Variants in GOLGA3 observed in about 807,000 individuals in gnomAD.
GOLGA3 encodes the protein golgin subfamily A member 3.
In GOLGA3, 75 loss-of-function variants were observed where a neutral mutation model predicts 169.4. The observed-to-expected ratio is 0.44, with a 90% CI of 0.37 to 0.54. The LOEUF (loss-of-function observed/expected upper bound fraction) is 0.54. Among genes scored for constraint, GOLGA3 ranks in the 20% least tolerant of loss-of-function variants. The pLI is 0.00. For synonymous variants in GOLGA3, 824 were observed against 822.4 expected, an observed-to-expected ratio of 1.00 and a Z score of -0.03; for missense variants, 1,899 against 1,930.0, an observed-to-expected ratio of 0.98 and a Z score of 0.30.
At chr12:132,797,205 C>T (rs761406740) in intron 9 of GOLGA3, among the ~76,000 whole-genome samples, 16 of 152,166 alleles carry the variant, frequency 1.1e-4, no homozygotes, top group Admixed American at 9.2e-4. Context: ...TCATCCCAGC[C>T]GGGCAGCCCA....
chr12:132,810,167 G>A (rs1342282951), intron 4 of GOLGA3, among the ~76,000 whole-genome samples: 3 of 152,166 alleles, frequency 2.0e-5, no homozygotes, highest in Non-Finnish European at 4.4e-5. Context: ...AGAATCACTT[G>A]AACCCAGGAG....
intron 15 of GOLGA3, 96 bp from the exon 16 acceptor site, chr12:132,784,403 A>G (rs1235862180): frequency 2.0e-6 from 2 of 992,434 alleles, no homozygotes; most frequent in Admixed American, 4.5e-5. Flanking sequence ...GTGTGGCTGC[A>G]CACACCAGAC....
rs902881607 is a variant in GOLGA3 at position 132,784,215 on chromosome 12, G to A, written c.3216C>T (p.Thr1072=). ...EKELQEVIAL[T]SQELEESREK... ...CCCGGGACTCCTCCAGCTCCTGGCT[G>A]GTCAGCGCTATGACCTCCTGCAGTT... is the stretch of plus-strand genomic sequence containing the variant. Residue 1072 remains threonine, a synonymous_variant, in exon 16 of 24, where the codon ACC becomes ACT. Transcript: ENST00000450791. 4 of 1,610,936 alleles carry A rather than the reference G, an allele frequency of 2.5e-6. No individual in the cohort carries two copies. The highest frequency in any genetic ancestry group is 3.4e-6 in the Non-Finnish European group (4 of 1,180,008).
At chr12:132,810,644 G>A (rs770276218) in intron 4 of GOLGA3, among the ~76,000 whole-genome samples, 3 of 151,762 alleles carry the variant, frequency 2.0e-5, no homozygotes, top group African/African-American at 4.9e-5. Context: ...CCCAGACAGG[G>A]CCACCAGAGG....
At chr12:132,792,843 G>T (rs1280331348) in intron 11 of GOLGA3, among the ~76,000 whole-genome samples, 1 of 65,144 alleles carries the variant, frequency 1.5e-5, no homozygotes, top group Non-Finnish European at 2.9e-5. Flanking sequence ...CACACGGACC[G>T]ACCACACGGG....
chr12:132,788,716 G>A (rs1437482386), intron 13 of GOLGA3, among the ~76,000 whole-genome samples: 1 of 152,132 alleles, frequency 6.6e-6, no homozygotes, highest in Admixed American at 6.5e-5. Context: ...TAGATCCCGG[G>A]AGCCCATGGC....
At position 132,808,103 on chromosome 12, in the gene GOLGA3, G is replaced by A. The variant is rs376011603; in HGVS notation, c.966C>T (p.Ser322=). ...TGCCATAGGTCCCTCGGGTGGAGGC[G>A]CTGCTGTACGATGAGCTGTCGCTGT... ...GNDSDSSSYS[S]ASTRGTYGIL... is the part of the protein sequence containing the mutation. The change falls in exon 5 of 24, where the codon AGC becomes AGT. Residue 322 remains serine (S), a synonymous_variant. Coordinates refer to ENST00000450791, the MANE Select transcript of GOLGA3 (RefSeq NM_001389683.1). The A allele has an allele frequency of 1.4e-5, 23 of 1,598,418 alleles. No individual in the cohort carries two copies. Among genetic ancestry groups the A allele is most frequent in the East Asian group, 4.5e-5 (2 of 44,704 alleles).
intron 1 of GOLGA3, chr12:132,826,087 C>A: frequency 6.9e-7 from 1 of 1,459,762 alleles, no homozygotes; most frequent in Admixed American, 1.7e-5. Context: ...TCACAGTGGG[C>A]GAGTGCCGGC....
chr12:132,782,251 C>A (rs372443054), intron 17 of GOLGA3, 45 bp downstream of exon 17: 40 of 1,490,998 alleles, frequency 2.7e-5, no homozygotes, highest in Non-Finnish European at 3.6e-5. Flanking sequence ...ACAGCCCCAC[C>A]AACTCTCACA....
chr12:132,821,970 G>A (rs369902641), intron 2 of GOLGA3, 26 bp downstream of exon 2: 404 of 1,544,910 alleles, frequency 2.6e-4, no homozygotes, highest in Non-Finnish European at 3.4e-4. Context: ...CCTGTGACCA[G>A]CACACAGAGG....
At chr12:132,776,836 G>T in intron 20 of GOLGA3, 80 bp from the exon 21 acceptor site, 1 of 1,571,090 alleles carries the variant, frequency 6.4e-7, no homozygotes, top group Non-Finnish European at 8.6e-7. Flanking sequence ...GCTGTGTTTT[G>T]GTTTATCTTT....
rs1425794450 is a variant in GOLGA3 at position 132,798,332 on chromosome 12, A to G, written c.1938+8T>C. The G allele has an allele frequency of 6.3e-7, 1 of 1,598,952 alleles. No individual in the cohort carries two copies. Among genetic ancestry groups the G allele is most frequent in the African/African-American group, 1.4e-5 (1 of 73,882 alleles). On this transcript the variant is annotated splice_region_variant and intron_variant, in intron 9 of 23. Transcript: ENST00000450791. ...CCTAAGCTTCCACGGCCCCGGCCGCAGCCTCACCTCAATGCCCTGCAGCTG... is the reference window on the plus strand; with the variant it reads ...CCTAAGCTTCCACGGCCCCGGCCGCGGCCTCACCTCAATGCCCTGCAGCTG...
rs1178760847 is a variant in GOLGA3, at chr12:132,813,599, G to A, written c.407-180C>T. Among the ~76,000 whole-genome samples the A allele has an allele frequency of 3.3e-5, 5 of 152,260 alleles. No homozygotes were observed. In the South Asian group the frequency reaches 8.3e-4, roughly 25 times the overall value. The stretch of plus-strand genomic sequence containing the variant: ...AGAGAGAACTGTGAGCCCCGGACAC[G>A]GACCACAGGCGGGATCTACCTCACA... On this transcript the variant is annotated intron_variant, in intron 3 of 23. Transcript: ENST00000450791.
chr12:132,809,860 G>A (rs987339615), intron 4 of GOLGA3, among the ~76,000 whole-genome samples: 3 of 151,856 alleles, frequency 2.0e-5, no homozygotes, highest in Non-Finnish European at 4.4e-5. Context: ...CTCTTGCCTC[G>A]GTGCCTGAGT....
At chr12:132,801,582 G>C (rs1262651516) in intron 8 of GOLGA3, among the ~76,000 whole-genome samples, 185 bp downstream of exon 8, 1 of 152,348 alleles carries the variant, frequency 6.6e-6, no homozygotes, top group South Asian at 2.1e-4. Flanking sequence ...GAAGGTTGGG[G>C]GGGGGCCCAC....
chr12:132,810,723 G>A (rs1315402767), intron 4 of GOLGA3, among the ~76,000 whole-genome samples: 8 of 152,142 alleles, frequency 5.3e-5, no homozygotes, highest in African/African-American at 1.9e-4. Context: ...ATGGTCTAGC[G>A]GTAGCATCAG....
intron 16 of GOLGA3, among the ~76,000 whole-genome samples, chr12:132,783,041 C>T (rs1208756440): frequency 1.3e-5 from 2 of 152,110 alleles, no homozygotes; most frequent in African/African-American, 4.8e-5. Flanking sequence ...ACCAAAACTA[C>T]AGAAATTATC....
chr12:132,819,956 G>C (rs984140325), intron 2 of GOLGA3, among the ~76,000 whole-genome samples: 3 of 152,258 alleles, frequency 2.0e-5, no homozygotes, highest in African/African-American at 7.2e-5. Flanking sequence ...AAGGTGGGGG[G>C]ATCACCAGAG....
Position 132,772,490 on chromosome 12 carries a change from G to A in GOLGA3, c.*615C>T, listed in dbSNP as rs1029117966. 1 of 145,562 alleles carries A rather than the reference G, an allele frequency of 6.9e-6. No individual in the cohort carries two copies. Among genetic ancestry groups the A allele is most frequent in the African/African-American group, 2.5e-5 (1 of 39,976 alleles). The allele number at this position is 145,562 out of a possible 1,614,324, so 9.0% of individuals were successfully genotyped here. A position where few individuals can be genotyped will look rare whatever the true frequency, so the allele number is the denominator to read the frequency against. Reference sequence around the variant, plus strand: ...ACCTGGGAGGCGGAGCTTGCAGTGAGCGGAGAGTGTGCCACTGCACTCCAG... The same window carrying A: ...ACCTGGGAGGCGGAGCTTGCAGTGAACGGAGAGTGTGCCACTGCACTCCAG... On this transcript the variant is annotated 3_prime_UTR_variant, in exon 24 of 24. Coordinates refer to ENST00000450791, the MANE Select transcript of GOLGA3 (RefSeq NM_001389683.1).
Sources: gnomAD v4.1 joint callset for allele counts (sites outside exome capture counted in the v4.1 genomes callset) on GRCh38, gnomAD v4.1.1 for gene constraint, MANE v1.5 for transcripts, NCBI Gene and HGNC (gene_info 2026-07-23, HGNC 2026-07-21) for gene names.